PIBF1: variants seen among roughly 807,000 people sequenced by gnomAD.
PIBF1 encodes progesterone immunomodulatory binding factor 1.
Under a neutral mutation model 112.5 loss-of-function variants are expected in PIBF1, and 90 were observed. That is an observed-to-expected ratio of 0.80 (90% confidence interval 0.67 to 0.95). The LOEUF (loss-of-function observed/expected upper bound fraction) is 0.95. Among genes scored for constraint, PIBF1 ranks in the 40% least tolerant of loss-of-function variants. The pLI is 0.00. For synonymous variants in PIBF1, 301 were observed against 288.6 expected (o/e 1.04, Z -0.44); for missense variants, 915 against 852.3 (o/e 1.07, Z -0.92).
intron 14 of PIBF1, among the ~76,000 whole-genome samples, chr13:72,938,944 C>A (rs2041941964): frequency 6.6e-6 from 1 of 152,096 alleles, no homozygotes; most frequent in East Asian, 1.9e-4. Flanking sequence ...ATTTTGGGTT[C>A]TTATTGGCCA....
At chr13:72,796,931 A>G (rs1160997089) in intron 4 of PIBF1, among the ~76,000 whole-genome samples, 1 of 152,162 alleles carries the variant, frequency 6.6e-6, no homozygotes, top group Non-Finnish European at 1.5e-5. Context: ...AAATAATGGT[A>G]TTCTTGTAAT....
chr13:72,832,688 G>A (rs2138191132), intron 8 of PIBF1, among the ~76,000 whole-genome samples: 1 of 152,192 alleles, frequency 6.6e-6, no homozygotes, highest in East Asian at 1.9e-4. Flanking sequence ...CTTTTTCTCT[G>A]GCTGCCCTTA....
At chr13:72,902,901 CT>C (rs113529963) in intron 11 of PIBF1, among the ~76,000 whole-genome samples, 331 of 143,014 alleles carry the variant, frequency 2.3e-3, no homozygotes, top group Non-Finnish European at 2.1e-3. Flanking sequence ...GGAAATAAAT[CT>C]TTTTTTTTTT....
chr13:72,845,765 C>T (rs2037843628), intron 9 of PIBF1, among the ~76,000 whole-genome samples: 1 of 152,092 alleles, frequency 6.6e-6, no homozygotes, highest in Non-Finnish European at 1.5e-5. Flanking sequence ...TGATGATGAG[C>T]TTTTTTTCAT....
At position 72,864,887 on chromosome 13, in the gene PIBF1, T is replaced by G. The variant is rs920795326; in HGVS notation, c.1322+10732T>G. Among the ~76,000 whole-genome samples the G allele has an allele frequency of 9.2e-5, 14 of 152,310 alleles. 1 individual carries two copies. Among genetic ancestry groups the G allele is most frequent in the Middle Eastern group, 6.8e-3 (2 of 294 alleles). ...CACAATGAGTCATTTTCAACATGTT[T>G]CAGTTTAACTTCTAATACATTTTTA... On this transcript the variant is annotated intron_variant, in intron 10 of 17. Transcript: ENST00000326291.
At position 72,792,509 on chromosome 13, in the gene PIBF1, A is replaced by G. The variant is rs1282155663; in HGVS notation, c.315A>G (p.Arg105=). The G allele has an allele frequency of 1.3e-6, 2 of 1,572,448 alleles. No individual in the cohort carries two copies. Among genetic ancestry groups the G allele is most frequent in the East Asian group, 2.3e-5 (1 of 42,996 alleles). Residue 105 remains arginine, a synonymous_variant, in exon 3 of 18, where the codon AGA becomes AGG. Coordinates refer to ENST00000326291, the MANE Select transcript of PIBF1 (RefSeq NM_006346.4). ...ALHQKQLLTL[R]LDNQLAFQQK... ...ACCAGAAGCAGCTACTAACATTGAG[A>G]TTAGACAACCAATTGGCTTTTCAAC...
intron 11 of PIBF1, among the ~76,000 whole-genome samples, chr13:72,897,580 T>C (rs1208932327): frequency 6.6e-6 from 1 of 152,142 alleles, no homozygotes; most frequent in African/African-American, 2.4e-5. Flanking sequence ...GAGACACACC[T>C]AACACATAAG....
At chr13:72,794,646 C>G (rs1422912514) in intron 3 of PIBF1, among the ~76,000 whole-genome samples, 3 of 152,112 alleles carry the variant, frequency 2.0e-5, no homozygotes, top group African/African-American at 7.2e-5. Flanking sequence ...ATGGGAGTTC[C>G]CCTGCACAAG....
intron 9 of PIBF1, among the ~76,000 whole-genome samples, chr13:72,852,162 C>T (rs531722383): frequency 5.4e-4 from 83 of 152,310 alleles, no homozygotes; most frequent in Admixed American, 1.6e-3. Flanking sequence ...GCCCCTCACT[C>T]GCCACATTGC....
chr13:72,940,883 C>T (rs1203141860), intron 14 of PIBF1, among the ~76,000 whole-genome samples: 2 of 152,182 alleles, frequency 1.3e-5, no homozygotes, highest in African/African-American at 4.8e-5. Flanking sequence ...GTTCTGTCTC[C>T]TGTCTTTATA....
intron 11 of PIBF1, among the ~76,000 whole-genome samples, chr13:72,896,464 C>T (rs931261031): frequency 2.0e-5 from 3 of 151,892 alleles, no homozygotes; most frequent in Non-Finnish European, 2.9e-5. Flanking sequence ...CCCTAATTTA[C>T]CTGAAAAAGA....
At chr13:72,996,531 T>C (rs2043678900) in intron 16 of PIBF1, among the ~76,000 whole-genome samples, 1 of 152,190 alleles carries the variant, frequency 6.6e-6, no homozygotes, top group Non-Finnish European at 1.5e-5. Flanking sequence ...CTCATGCCTA[T>C]AATCCCAGCA....
chr13:72,889,934 T>G lies in PIBF1; in HGVS notation c.1323-3850T>G, dbSNP rs530904802. Reference sequence around the variant, plus strand: ...GCCATGAACATTTTGTGTACAGAATTCAAAAATCAGTTGTTTCTCATTGAA... The same window carrying G: ...GCCATGAACATTTTGTGTACAGAATGCAAAAATCAGTTGTTTCTCATTGAA... On this transcript the variant is annotated intron_variant, in intron 10 of 17. Coordinates refer to ENST00000326291, the MANE Select transcript of PIBF1 (RefSeq NM_006346.4). 7.2e-5 allele frequency among the ~76,000 whole-genome samples: 11 copies of G among 152,304 alleles called. No individual in the cohort carries two copies. The South Asian group carries it at 2.3e-3, about 32-fold the overall frequency.
At chr13:72,968,523 A>T (rs2042808244) in intron 15 of PIBF1, among the ~76,000 whole-genome samples, 1 of 150,618 alleles carries the variant, frequency 6.6e-6, no homozygotes, top group South Asian at 2.1e-4. Context: ...GTGTTCTTGA[A>T]CTCCTGACCT....
chr13:72,996,247 G>GA lies in PIBF1; in HGVS notation c.2050-2567dup, dbSNP rs566465159. ...GAAAAATGGGCCAAGGCAATCAACT[G>GA]AAAAAAAACCTTCAATATATTAAAA... On this transcript the variant is annotated intron_variant, in intron 16 of 17. Coordinates refer to ENST00000326291, the MANE Select transcript of PIBF1 (RefSeq NM_006346.4). 4.2e-4 allele frequency among the ~76,000 whole-genome samples: 57 copies of GA among 134,824 alleles called. No individual in the cohort carries two copies. In the East Asian group the frequency reaches 0.011, roughly 26 times the overall value. 88.4% of individuals were successfully genotyped at this position (134,824 alleles called of 152,430 possible).
Position 72,965,397 on chromosome 13 carries a change from G to T in PIBF1, c.1957G>T (p.Asp653Tyr), listed in dbSNP as rs761966572. 2 of 1,606,958 alleles carry T rather than the reference G, an allele frequency of 1.2e-6. No homozygotes were observed. The highest frequency in any genetic ancestry group is 2.7e-5 in the African/African-American group (2 of 74,668). The change falls in exon 15 of 18, where the codon GAT becomes TAT. Residue 653 changes from aspartate (D) to tyrosine (Y), a missense_variant. Transcript: ENST00000326291. ...GGAATCTATTGCACAACTTGAGAAA[G>T]ATGTCAGGTAAACCATCTACAAATC... is the stretch of plus-strand genomic sequence containing the variant. ...LTESIAQLEK[D>Y]VSNLNKEKSA...
chr13:72,982,898 G>A (rs935723623), intron 16 of PIBF1, among the ~76,000 whole-genome samples: 2 of 152,146 alleles, frequency 1.3e-5, no homozygotes, highest in Non-Finnish European at 2.9e-5. Flanking sequence ...ACTGAAAGTA[G>A]GCCATAGGAA....
At chr13:72,990,293 G>A (rs1349163700) in intron 16 of PIBF1, among the ~76,000 whole-genome samples, 1 of 151,682 alleles carries the variant, frequency 6.6e-6, no homozygotes, top group African/African-American at 2.4e-5. Context: ...GCCGAGGCAG[G>A]TGGATCACCT....
intron 10 of PIBF1, among the ~76,000 whole-genome samples, chr13:72,859,866 C>A (rs1210214322): frequency 6.6e-6 from 1 of 152,088 alleles, no homozygotes; most frequent in African/African-American, 2.4e-5. Context: ...AGGAATATGG[C>A]CATAACTGCA....
Sources: allele counts gnomAD v4.1 joint callset (sites outside exome capture counted in the v4.1 genomes callset), GRCh38; gene constraint gnomAD v4.1.1; transcripts MANE v1.5; gene names NCBI Gene and HGNC (gene_info 2026-07-23, HGNC 2026-07-21).